Variants in ADORA1 observed in about 807,000 individuals in gnomAD.
ADORA1 encodes the protein adenosine A1 receptor.
In ADORA1, 6 loss-of-function variants were observed where a neutral mutation model predicts 19.9. That is an observed-to-expected ratio of 0.30 (90% CI 0.17 to 0.59). ADORA1 has a LOEUF of 0.59. ADORA1 is among the 20% of genes least tolerant of loss of function. The pLI, the probability that ADORA1 is intolerant of heterozygous loss-of-function variation, is 0.87. For missense variants in ADORA1, 302 were observed against 439.2 expected (o/e 0.69, Z 2.79); for synonymous variants, 194 against 188.4 (o/e 1.03, Z -0.24).
At chr1:203,146,839 G>A (rs1338905528) in intron 3 of ADORA1, among the ~76,000 whole-genome samples, 1 of 152,200 alleles carries the variant, frequency 6.6e-6, no homozygotes, top group African/African-American at 2.4e-5. Context: ...GTGCAGGGGA[G>A]CTACCTCAGG....
chr1:203,141,107 A>G (rs2102743983), intron 3 of ADORA1, among the ~76,000 whole-genome samples: 1 of 147,982 alleles, frequency 6.8e-6, no homozygotes, highest in East Asian at 1.9e-4. Flanking sequence ...ATAAGCAGGC[A>G]TCACCAAGTG....
At position 203,154,543 on chromosome 1, in the gene ADORA1, C is replaced by T. The variant is rs373514238; in HGVS notation, c.342-10718C>T. On this transcript the variant is annotated intron_variant, in intron 3 of 3. Transcript: ENST00000337894. ...CGGTGATCCCGGAGCCCAGGGGCTG[C>T]AGTTGGCTGGTAGAAGCCGCACCCA... 7.2e-5 allele frequency among the ~76,000 whole-genome samples: 11 copies of T among 152,150 alleles called. No homozygotes were observed. In the East Asian group the frequency reaches 1.3e-3, roughly 19 times the overall value.
At chr1:203,160,995 G>A (rs1003367370) in intron 3 of ADORA1, among the ~76,000 whole-genome samples, 8 of 152,128 alleles carry the variant, frequency 5.3e-5, no homozygotes, top group African/African-American at 1.7e-4. Context: ...AAGAACCAAT[G>A]GCTTTCTCTG....
chr1:203,159,776 A>C (rs1403939634), intron 3 of ADORA1, among the ~76,000 whole-genome samples: 1 of 152,206 alleles, frequency 6.6e-6, no homozygotes, highest in Non-Finnish European at 1.5e-5. Flanking sequence ...TGCTCAATGA[A>C]TACCCCTTTA....
At chr1:203,130,789 C>T (rs1654307969) in intron 3 of ADORA1, among the ~76,000 whole-genome samples, 1 of 152,198 alleles carries the variant, frequency 6.6e-6, no homozygotes, top group African/African-American at 2.4e-5. Context: ...AGAATGCACC[C>T]TACTTGCCCT....
intron 3 of ADORA1, among the ~76,000 whole-genome samples, chr1:203,157,699 C>A (rs1655239116): frequency 1.3e-5 from 2 of 152,242 alleles, no homozygotes; most frequent in South Asian, 4.1e-4. Context: ...GGCTTCCACA[C>A]TCTGTGCACC....
chr1:203,139,523 C>G (rs1383796988), intron 3 of ADORA1, among the ~76,000 whole-genome samples: 1 of 152,140 alleles, frequency 6.6e-6, no homozygotes, highest in Non-Finnish European at 1.5e-5. Context: ...TGAAGGGCCC[C>G]CCTTAAGTTT....
chr1:203,148,337 T>G (rs952990800), intron 3 of ADORA1, among the ~76,000 whole-genome samples: 1 of 152,220 alleles, frequency 6.6e-6, no homozygotes, highest in African/African-American at 2.4e-5. Context: ...TGGAGATGGA[T>G]CCCTTCCTCC....
Position 203,166,145 on chromosome 1 carries a change from G to C in ADORA1, c.*245G>C, listed in dbSNP as rs1655546579. 7.0e-6 allele frequency: 3 copies of C among 426,142 alleles called. No homozygotes were observed. Among genetic ancestry groups the C allele is most frequent in the African/African-American group, 2.0e-5 (1 of 49,862 alleles). The allele number at this position is 426,142 out of a possible 1,614,324, so 26.4% of individuals were successfully genotyped here. A position where few individuals can be genotyped will look rare whatever the true frequency, so the allele number is the denominator to read the frequency against. On this transcript the variant is annotated 3_prime_UTR_variant, in exon 4 of 4. Coordinates refer to ENST00000337894, the MANE Select transcript of ADORA1 (RefSeq NM_000674.3). Reference sequence around the variant, plus strand: ...CCTACGGAGGGACCAGGTGTCTAGAGGCAACAGTGTTCTGAGCCCCCACCT... The same window carrying C: ...CCTACGGAGGGACCAGGTGTCTAGACGCAACAGTGTTCTGAGCCCCCACCT...
chr1:203,165,425 G>A lies in ADORA1; in HGVS notation c.506G>A (p.Cys169Tyr), dbSNP rs765509625. ...AGCATGGGGGAGCCCGTGATCAAGTGCGAGTTCGAGAAGGTCATCAGCATG... is the reference window on the plus strand; with the variant it reads ...AGCATGGGGGAGCCCGTGATCAAGTACGAGTTCGAGAAGGTCATCAGCATG... ...NGSMGEPVIKCEFEKVISMEY... is the reference protein window; with the variant it reads ...NGSMGEPVIKYEFEKVISMEY... The change falls in exon 4 of 4, where the codon TGC becomes TAC. Residue 169 changes from cysteine to tyrosine, a missense_variant. Coordinates refer to ENST00000337894, the MANE Select transcript of ADORA1 (RefSeq NM_000674.3). This position sits in a 1 kb window ranked among gnomAD's most constrained non-coding sequence, Gnocchi z 5.9. The A allele has an allele frequency of 6.2e-7, 1 of 1,613,226 alleles. No individual in the cohort carries two copies. Among genetic ancestry groups the A allele is most frequent in the South Asian group, 1.1e-5 (1 of 90,886 alleles).
intron 3 of ADORA1, among the ~76,000 whole-genome samples, chr1:203,140,214 G>A (rs1310788541): frequency 6.6e-6 from 1 of 152,184 alleles, no homozygotes; most frequent in Non-Finnish European, 1.5e-5. Flanking sequence ...GGGTTACAGA[G>A]GATGTAGGGA....
intron 3 of ADORA1, among the ~76,000 whole-genome samples, chr1:203,132,755 G>A (rs1244506202): frequency 6.6e-6 from 1 of 152,208 alleles, no homozygotes; most frequent in African/African-American, 2.4e-5. Context: ...GCTGAGACAG[G>A]AGAATCACTT....
Position 203,165,232 on chromosome 1 carries a change from T to G in ADORA1, c.342-29T>G. 6.3e-7 allele frequency: 1 copy of G among 1,598,242 alleles called. No homozygotes were observed. On this transcript the variant is annotated intron_variant, in intron 3 of 3. Transcript: ENST00000337894. This position sits in a 1 kb window ranked among gnomAD's most constrained non-coding sequence, Gnocchi z 5.9. ...CCTTTCGAGGCAGCTGGGAGGCAGA[T>G]CCTCACACTCTGCCCTCCTCTCCCC...
chr1:203,140,287 T>G (rs1011868084), intron 3 of ADORA1, among the ~76,000 whole-genome samples: 3 of 151,820 alleles, frequency 2.0e-5, no homozygotes, highest in Admixed American at 1.3e-4. Flanking sequence ...GAGGAGGCTG[T>G]GGAGATGGAC....
intron 3 of ADORA1, chr1:203,144,770 A>T (rs1654808959): frequency 6.6e-6 from 1 of 152,252 alleles, no homozygotes. Context: ...CTCTTGGAAC[A>T]GGAGGGAGAA....
chr1:203,165,307 G>C lies in ADORA1; in HGVS notation c.388G>C (p.Gly130Arg). 1 of 1,568,502 alleles carries C rather than the reference G, an allele frequency of 6.4e-7. No homozygotes were observed. Among genetic ancestry groups the C allele is most frequent in the Non-Finnish European group, 8.6e-7 (1 of 1,157,284 alleles). The part of the protein sequence containing the change: ...TPRRAAVAIA[G>R]CWILSFVVGL... ...CCGGAGGGCGGCGGTGGCCATAGCC[G>C]GCTGCTGGATCCTCTCCTTCGTGGT... Residue 130 changes from glycine (G) to arginine (R), a missense_variant, in exon 4 of 4, where the codon GGC becomes CGC. By Grantham distance (125) the Gly-to-Arg change is moderately radical. Coordinates refer to ENST00000337894, the MANE Select transcript of ADORA1 (RefSeq NM_000674.3). This position sits in a 1 kb window ranked among gnomAD's most constrained non-coding sequence, Gnocchi z 5.9.
chr1:203,163,753 G>A (rs1655444848), intron 3 of ADORA1, among the ~76,000 whole-genome samples: 1 of 152,170 alleles, frequency 6.6e-6, no homozygotes, highest in South Asian at 2.1e-4. Flanking sequence ...CAGAGCAGGT[G>A]GGCTTTGATG....
intron 3 of ADORA1, among the ~76,000 whole-genome samples, chr1:203,157,541 G>A (rs1009960123): frequency 6.6e-6 from 1 of 152,212 alleles, no homozygotes; most frequent in African/African-American, 2.4e-5. Context: ...TGGTGTCTGG[G>A]CAGTGGCCTC....
chr1:203,133,910 T>C (rs1453050686), intron 3 of ADORA1, among the ~76,000 whole-genome samples: 1 of 152,224 alleles, frequency 6.6e-6, no homozygotes, highest in Non-Finnish European at 1.5e-5. Flanking sequence ...TGGGCTTTTC[T>C]TGACAACCCT....
Sources: gnomAD v4.1 joint callset for allele counts (sites outside exome capture counted in the v4.1 genomes callset) on GRCh38, gnomAD v4.1.1 for gene constraint, Gnocchi (gnomAD v3.1) non-coding constraint, MANE v1.5 for transcripts, NCBI Gene and HGNC (gene_info 2026-07-23, HGNC 2026-07-21) for gene names.